NOBOX: variants seen among roughly 807,000 people sequenced by gnomAD.
The protein encoded by NOBOX is NOBOX oogenesis homeobox.
In NOBOX, 46 loss-of-function variants were observed where a neutral mutation model predicts 60.2. The ratio of observed to expected loss-of-function variants is 0.76; its 90% confidence interval spans 0.60 to 0.98. NOBOX has a LOEUF of 0.98. Among genes scored for constraint, NOBOX ranks in the 50% least tolerant of loss-of-function variants. The pLI is 0.00. For synonymous variants in NOBOX, 360 were observed against 346.3 expected, an observed-to-expected ratio of 1.04 and a Z score of -0.44; for missense variants, 880 against 865.5, an observed-to-expected ratio of 1.02 and a Z score of -0.21.
chr7:144,403,974 C>G (rs1428005299), intron 2 of NOBOX, among the ~76,000 whole-genome samples: 3 of 152,058 alleles, frequency 2.0e-5, no homozygotes, highest in African/African-American at 7.2e-5. Flanking sequence ...CTCCTTCAGG[C>G]GGCCCCTCCC....
rs2053933243 is a variant in NOBOX, at chr7:144,400,952, C to A, written c.844+94G>T. The A allele has an allele frequency of 8.4e-6, 9 of 1,067,420 alleles. No individual in the cohort carries two copies. The East Asian group carries it at 1.0e-4, about 12-fold the overall frequency. 66.1% of individuals were successfully genotyped at this position (1,067,420 alleles called of 1,614,324 possible). A position where few individuals can be genotyped will look rare whatever the true frequency, so the allele number is the denominator to read the frequency against. ...GAAGTGACATACAAACTAACCCCAT[C>A]CCTCAGGTCTCCTGGGGGTAGATTC... is the stretch of plus-strand genomic sequence containing the variant. On this transcript the variant is annotated intron_variant, in intron 4 of 9. Coordinates refer to ENST00000467773, the MANE Select transcript of NOBOX (RefSeq NM_001080413.3).
rs2053919608 is a variant in NOBOX, at chr7:144,399,361, T to A, written c.1240+36A>T. 2.8e-6 allele frequency: 4 copies of A among 1,432,118 alleles called. No individual in the cohort carries two copies. In the South Asian group the frequency reaches 4.9e-5, roughly 18 times the overall value. The allele number at this position is 1,432,118 out of a possible 1,614,324, so 88.7% of individuals were successfully genotyped here. A position where few individuals can be genotyped will look rare whatever the true frequency, so the allele number is the denominator to read the frequency against. On this transcript the variant is annotated intron_variant, in intron 7 of 9. Coordinates refer to ENST00000467773, the MANE Select transcript of NOBOX (RefSeq NM_001080413.3). ...AAGGCCTGTCTTCACTATCTTTAGT[T>A]GCCATTTTCCCCCAGCTCTGAAGGT...
chr7:144,403,629 C>T (rs1434625170), intron 2 of NOBOX, 28 bp downstream of exon 1: 1 of 699,700 alleles, frequency 1.4e-6, no homozygotes, highest in Non-Finnish European at 2.6e-6. Flanking sequence ...AGCCTGACCC[C>T]CTCGCACGAC....
intron 4 of NOBOX, among the ~76,000 whole-genome samples, chr7:144,400,654 C>T (rs1266142372): frequency 1.3e-5 from 2 of 152,226 alleles, no homozygotes; most frequent in South Asian, 2.1e-4. Context: ...TCCCCTGCTT[C>T]GACCTACCAA....
At position 144,397,361 on chromosome 7, in the gene NOBOX, G is replaced by A. The variant is rs2053900165; in HGVS notation, c.1955C>T (p.Ala652Val). The A allele has an allele frequency of 6.5e-7, 1 of 1,537,256 alleles. No homozygotes were observed. Among genetic ancestry groups the A allele is most frequent in the East Asian group, 2.4e-5 (1 of 40,910 alleles). Residue 652 changes from alanine (A) to valine (V), a missense_variant, in exon 10 of 10, where the codon GCC becomes GTC. By Grantham distance (64) the Ala-to-Val change is moderately conservative. Transcript: ENST00000467773. ...GAGTAAGGGCCCAGTCCCTGGTCTG[G>A]CCCCTTCAGGCATCCATGAGAGAGC...
chr7:144,404,550 C>T lies in NOBOX; in HGVS notation c.210+6G>A, dbSNP rs547261391. On this transcript the variant is annotated splice_donor_region_variant and intron_variant, in intron 2 of 9. Transcript: ENST00000467773. Reference sequence around the variant, plus strand: ...AGGCGTGAGCCACAGCGCTCGCCCCCCGTACTGATTTGAGGGTCTCCAGAG... The same window carrying T: ...AGGCGTGAGCCACAGCGCTCGCCCCTCGTACTGATTTGAGGGTCTCCAGAG... 6.2e-7 allele frequency: 1 copy of T among 1,612,156 alleles called. No individual in the cohort carries two copies. The highest frequency in any genetic ancestry group is 1.3e-5 in the African/African-American group (1 of 74,992).
At chr7:144,405,644 T>C (rs1430533567) in intron 1 of NOBOX, among the ~76,000 whole-genome samples, 1 of 152,188 alleles carries the variant, frequency 6.6e-6, no homozygotes. Context: ...GTCTTTCCCC[T>C]GGATCCTCAG....
intron 4 of NOBOX, among the ~76,000 whole-genome samples, chr7:144,400,522 C>T (rs2053929799): frequency 2.0e-5 from 3 of 152,338 alleles, no homozygotes; most frequent in East Asian, 1.9e-4. Context: ...ACTCTTCTAC[C>T]CTGGTCCCAA....
At chr7:144,403,764 G>A in intron 2 of NOBOX, 71 bp from the exon 1 acceptor site, 1 of 635,386 alleles carries the variant, frequency 1.6e-6, no homozygotes, top group Non-Finnish European at 2.8e-6. Context: ...CGCCGGGCGG[G>A]CAGGTGTGCA....
chr7:144,401,803 T>C lies in NOBOX; in HGVS notation c.292+66A>G, dbSNP rs727712. On this transcript the variant is annotated intron_variant, in intron 3 of 9. Transcript: ENST00000467773. This position sits in a 1 kb window ranked among gnomAD's most constrained non-coding sequence, Gnocchi z 4.2. ...GATAACCCAACTTCTTTGAAAAATGTAGACAAATTTATGCAATTCTGAGAC... is the reference window on the plus strand; with the variant it reads ...GATAACCCAACTTCTTTGAAAAATGCAGACAAATTTATGCAATTCTGAGAC... 0.59 allele frequency: 735,148 copies of C among 1,243,538 alleles called. 221,386 individuals are homozygous for C. Among genetic ancestry groups the C allele is most frequent in the South Asian group, 0.79 (59,631 of 75,154 alleles). 77.0% of individuals were successfully genotyped at this position (1,243,538 alleles called of 1,614,324 possible). A position where few individuals can be genotyped will look rare whatever the true frequency, so the allele number is the denominator to read the frequency against.
intron 5 of NOBOX, 159 bp downstream of exon 3, chr7:144,400,047 G>T (rs2053925436): frequency 1.3e-6 from 2 of 1,530,288 alleles, no homozygotes; most frequent in Non-Finnish European, 1.8e-6. Context: ...ATGCTCTCAG[G>T]CTGTGGCACT....
Position 144,404,674 on chromosome 7 carries a change from G to A in NOBOX, c.92C>T (p.Pro31Leu), listed in dbSNP as rs751956954. 1.9e-6 allele frequency: 3 copies of A among 1,613,656 alleles called. No individual in the cohort carries two copies. The highest frequency in any genetic ancestry group is 1.7e-6 in the Non-Finnish European group (2 of 1,179,644). Residue 31 changes from proline to leucine, a missense_variant, in exon 2 of 10, where the codon CCC (proline) becomes CTC (leucine). Transcript: ENST00000467773. ...CACAGGAAATTCAGGTACAGCCAGG[G>A]GCGGCCCTGCCAGGGACGGTGTGGT...
chr7:144,400,151 C>G lies in NOBOX; in HGVS notation c.1006G>C (p.Glu336Gln). ...CGCTCACTCTGCAATTCGAGTGTTT[C>G]AATGGTGGGCCCTCCGCCACTCCAC... is the stretch of plus-strand genomic sequence containing the variant. Residue 336 changes from glutamate (E) to glutamine (Q), a missense_variant, in exon 5 of 10, where the codon GAA (glutamate) becomes CAA (glutamine). By Grantham distance (29) the Glu-to-Gln change is conservative. Coordinates refer to ENST00000467773, the MANE Select transcript of NOBOX (RefSeq NM_001080413.3). 1.2e-6 allele frequency: 2 copies of G among 1,613,920 alleles called. No homozygotes were observed. Among genetic ancestry groups the G allele is most frequent in the Non-Finnish European group, 1.7e-6 (2 of 1,179,914 alleles).
intron 2 of NOBOX, 144 bp downstream of exon 1, chr7:144,403,513 C>CCCCCCA: frequency 3.2e-6 from 1 of 309,452 alleles, no homozygotes; most frequent in South Asian, 2.7e-5. Flanking sequence ...GGCCTCCTCC[C>CCCCCCA]ACCCTACCCC....
chr7:144,401,990 A>T lies in NOBOX; in HGVS notation c.211-40T>A. On this transcript the variant is annotated intron_variant, in intron 2 of 9. Coordinates refer to ENST00000467773, the MANE Select transcript of NOBOX (RefSeq NM_001080413.3). This position sits in a 1 kb window ranked among gnomAD's most constrained non-coding sequence, Gnocchi z 4.2. ...GGAAGACAAAGAGAAACAGATTGAC[A>T]GAGATTCTGCTTCTCCCAAGGCGGG... is the stretch of plus-strand genomic sequence containing the variant. 6.9e-7 allele frequency: 1 copy of T among 1,457,930 alleles called. No individual in the cohort carries two copies. The highest frequency in any genetic ancestry group is 9.6e-7 in the Non-Finnish European group (1 of 1,039,310). 90.3% of individuals were successfully genotyped at this position (1,457,930 alleles called of 1,614,324 possible).
chr7:144,403,572 A>C, intron 2 of NOBOX, 85 bp downstream of exon 1: 1 of 564,866 alleles, frequency 1.8e-6, no homozygotes, highest in African/African-American at 2.0e-5. Flanking sequence ...AGGTCGGCTA[A>C]CGCTGACCTG....
chr7:144,410,093 CAG>C (rs1160079926), intron 1 of NOBOX: 1 of 1,199,094 alleles, frequency 8.3e-7, no homozygotes, highest in East Asian at 2.5e-5. Context: ...GTCTTCTGTT[CAG>C]AGTGTGGTGC....
At chr7:144,398,138 A>C in intron 9 of NOBOX, 144 bp downstream of exon 7, 3 of 752,288 alleles carry the variant, frequency 4.0e-6, no homozygotes, top group Non-Finnish European at 4.6e-6. Context: ...TCGAGGGAGA[A>C]GAGCTTAATA....
At chr7:144,403,129 A>G (rs1281732200) in intron 2 of NOBOX, among the ~76,000 whole-genome samples, 1 of 152,158 alleles carries the variant, frequency 6.6e-6, no homozygotes, top group African/African-American at 2.4e-5. Context: ...GTCCTTTCCT[A>G]GGACACAGGC....
Sources: allele counts gnomAD v4.1 joint callset (sites outside exome capture counted in the v4.1 genomes callset), GRCh38; gene constraint gnomAD v4.1.1; non-coding constraint Gnocchi (gnomAD v3.1); transcripts MANE v1.5; gene names NCBI Gene and HGNC (gene_info 2026-07-23, HGNC 2026-07-21).